The following VCAN variants were observed in gnomAD, a reference collection of about 807,000 sequenced individuals.
VCAN encodes the protein versican.
In VCAN, 44 loss-of-function variants were observed where a neutral mutation model predicts 245.5. The ratio of observed to expected loss-of-function variants is 0.18; its 90% CI spans 0.14 to 0.23. The LOEUF is 0.23. Ranked by LOEUF, VCAN falls within the 10% of genes least tolerant of loss-of-function variation. VCAN has a pLI of 1.00. For missense variants in VCAN, 3,793 were observed against 4,057.9 expected (o/e 0.93, Z 1.77); for synonymous variants, 1,413 against 1,437.0 (o/e 0.98, Z 0.38).
chr5:83,537,400 A>G lies in VCAN; in HGVS notation c.4397A>G (p.Gln1466Arg). 6.2e-7 allele frequency: 1 copy of G among 1,613,946 alleles called. No homozygotes were observed. The highest frequency in any genetic ancestry group is 2.2e-5 in the East Asian group (1 of 44,876). ...AAAACGGAATTGTCTACTGCTGTGC[A>G]ACCTAATGAATCTACAGAAACAACT... ...IAKTELSTAV[Q>R]PNESTETTES... Residue 1466 changes from glutamine to arginine, a missense_variant, in exon 8 of 15, where the codon CAA becomes CGA. This residue lies in a region of VCAN where 3,182 missense variants were observed against 3,250.3 expected (regional missense o/e 0.98). Coordinates refer to ENST00000265077, the MANE Select transcript of VCAN (RefSeq NM_004385.5).
At chr5:83,528,968 A>G (rs1237543478) in intron 7 of VCAN, among the ~76,000 whole-genome samples, 1 of 148,378 alleles carries the variant, frequency 6.7e-6, no homozygotes, top group Non-Finnish European at 1.5e-5. Context: ...TCTCCAAATC[A>G]CAGGGTTTAT....
intron 1 of VCAN, among the ~76,000 whole-genome samples, chr5:83,480,828 T>C (rs1049250969): frequency 1.3e-5 from 2 of 152,232 alleles, no homozygotes; most frequent in Non-Finnish European, 2.9e-5. Context: ...CCCCAAATAC[T>C]ATTCTTTTTA....
At chr5:83,483,698 A>C in intron 2 of VCAN, 110 bp downstream of exon 2, 1 of 1,031,846 alleles carries the variant, frequency 9.7e-7, no homozygotes, top group Non-Finnish European at 1.5e-6. Context: ...TTTAAAATCT[A>C]TTAAGTGCTG....
chr5:83,489,669 A>G (rs1294969507), intron 2 of VCAN, among the ~76,000 whole-genome samples: 2 of 152,184 alleles, frequency 1.3e-5, no homozygotes, highest in Non-Finnish European at 2.9e-5. Flanking sequence ...TTATTGTAAC[A>G]AACATTTTTT....
intron 5 of VCAN, among the ~76,000 whole-genome samples, chr5:83,496,082 C>G (rs1745151539): frequency 6.6e-6 from 1 of 152,280 alleles, no homozygotes; most frequent in African/African-American, 2.4e-5. Flanking sequence ...GAATTTTTGA[C>G]AAGTCTTAGT....
chr5:83,541,085 A>C lies in VCAN; in HGVS notation c.8082A>C (p.Pro2694=). 2 of 1,614,140 alleles carry C rather than the reference A, an allele frequency of 1.2e-6. No homozygotes were observed. Among genetic ancestry groups the C allele is most frequent in the Non-Finnish European group, 1.7e-6 (2 of 1,179,978 alleles). The change falls in exon 8 of 15, where the codon CCA becomes CCC. Residue 2694 remains proline (P), a synonymous_variant. Transcript: ENST00000265077. ...TACTTCCCACGGCAACATCCCTGCC[A>C]ATTCCTCGTAAGTCTGCCACAGTTA... is the stretch of plus-strand genomic sequence containing the variant. ...DVLLPTATSL[P]IPRKSATVIP... is the part of the protein sequence containing the mutation.
chr5:83,576,715 CA>C (rs1748497790), intron 13 of VCAN, among the ~76,000 whole-genome samples: 1 of 152,132 alleles, frequency 6.6e-6, no homozygotes, highest in Non-Finnish European at 1.5e-5. Flanking sequence ...TGTTGCTCTA[CA>C]TCTTCTCCAA....
intron 12 of VCAN, among the ~76,000 whole-genome samples, chr5:83,567,154 A>G (rs1341549490): frequency 6.6e-6 from 1 of 152,074 alleles, no homozygotes; most frequent in Non-Finnish European, 1.5e-5. Flanking sequence ...TAGTTATTTA[A>G]TTGGACTCTA....
At chr5:83,527,589 TG>T (rs1746351172) in intron 7 of VCAN, among the ~76,000 whole-genome samples, 1 of 152,222 alleles carries the variant, frequency 6.6e-6, no homozygotes, top group Non-Finnish European at 1.5e-5. Context: ...AGCTTAACAC[TG>T]TACTATAGAC....
intron 7 of VCAN, among the ~76,000 whole-genome samples, chr5:83,527,794 A>T (rs1746357228): frequency 1.3e-5 from 2 of 152,234 alleles, no homozygotes; most frequent in Admixed American, 6.5e-5. Flanking sequence ...ATTTAACAAT[A>T]AAAGGTGTTA....
intron 2 of VCAN, among the ~76,000 whole-genome samples, chr5:83,485,390 GC>G (rs1744758978): frequency 7.1e-6 from 1 of 140,262 alleles, no homozygotes; most frequent in Non-Finnish European, 1.5e-5. Context: ...GGCAACAAGA[GC>G]TAAACTCCAT....
At chr5:83,548,724 A>G (rs1747335909) in intron 10 of VCAN, among the ~76,000 whole-genome samples, 1 of 152,218 alleles carries the variant, frequency 6.6e-6, no homozygotes, top group Non-Finnish European at 1.5e-5. Context: ...AATAAGAAAC[A>G]GATTGCATGC....
chr5:83,541,398 A>T lies in VCAN; in HGVS notation c.8395A>T (p.Met2799Leu). 6.2e-7 allele frequency: 1 copy of T among 1,614,070 alleles called. No individual in the cohort carries two copies. Among genetic ancestry groups the T allele is most frequent in the South Asian group, 1.1e-5 (1 of 91,088 alleles). The part of the protein sequence containing the change: ...DQSVTEVPDV[M>L]EGSNPPYYTD... The stretch of plus-strand genomic sequence containing the variant: ...GAGTGTAACAGAGGTGCCTGATGTG[A>T]TGGAAGGATCCAATCCCCCATATTA... Residue 2799 changes from methionine (M) to leucine (L), a missense_variant, in exon 8 of 15, where the codon ATG (methionine) becomes TTG (leucine). Met to Leu is a conservative substitution (Grantham distance 15). This residue lies in a region of VCAN where 3,182 missense variants were observed against 3,250.3 expected (regional missense o/e 0.98). Transcript: ENST00000265077.
chr5:83,551,581 T>TA (rs1271830775), intron 10 of VCAN, among the ~76,000 whole-genome samples: 1 of 152,056 alleles, frequency 6.6e-6, no homozygotes, highest in East Asian at 1.9e-4. Flanking sequence ...TAATAGCAGA[T>TA]AAAAAAGGGT....
At position 83,540,803 on chromosome 5, in the gene VCAN, G is replaced by C; in HGVS notation, c.7800G>C (p.Glu2600Asp). 2 of 1,613,932 alleles carry C rather than the reference G, an allele frequency of 1.2e-6. No homozygotes were observed. Among genetic ancestry groups the C allele is most frequent in the Non-Finnish European group, 1.7e-6 (2 of 1,179,964 alleles). ...ILGMQTDIDTEVPSEPHDSND... is the reference protein window; with the variant it reads ...ILGMQTDIDTDVPSEPHDSND... ...GAATGCAAACAGATATAGATACAGA[G>C]GTACCATCAGAACCACATGACAGTA... Residue 2600 changes from glutamate to aspartate, a missense_variant, in exon 8 of 15, where the codon GAG becomes GAC. Physicochemically the swap from Glu to Asp is conservative, Grantham distance 45. Transcript: ENST00000265077.
chr5:83,536,707 G>A (rs1467038805), intron 7 of VCAN: 1 of 208,126 alleles, frequency 4.8e-6, no homozygotes, highest in Non-Finnish European at 9.6e-6. Context: ...TGCACTTCAA[G>A]ATTACATTGT....
At chr5:83,490,974 G>T (rs981834883) in intron 3 of VCAN, among the ~76,000 whole-genome samples, 4 of 151,908 alleles carry the variant, frequency 2.6e-5, no homozygotes, top group African/African-American at 4.8e-5. Flanking sequence ...TTATACCGAA[G>T]AAATAAGGTA....
At position 83,537,211 on chromosome 5, in the gene VCAN, C is replaced by G; in HGVS notation, c.4208C>G (p.Thr1403Arg). The change falls in exon 8 of 15, where the codon ACA (threonine) becomes AGA (arginine). Residue 1403 changes from threonine to arginine, a missense_variant. Around this residue, in one of 5 missense-constraint regions of VCAN, gnomAD observed 3,182 missense variants for 3,250.3 expected, o/e 0.98. Coordinates refer to ENST00000265077, the MANE Select transcript of VCAN (RefSeq NM_004385.5). ...EEECANATDVTTTPSVQYING... is the reference protein window; with the variant it reads ...EEECANATDVRTTPSVQYING... ...GAGTGTGCAAATGCTACTGATGTGA[C>G]AACCACCCCATCTGTGCAGTACATA... 6.2e-7 allele frequency: 1 copy of G among 1,613,736 alleles called. No homozygotes were observed. Among genetic ancestry groups the G allele is most frequent in the Non-Finnish European group, 8.5e-7 (1 of 1,179,906 alleles).
rs191825954 is a variant in VCAN at position 83,518,334 on chromosome 5, T to C, written c.1043-1015T>C. On this transcript the variant is annotated intron_variant, in intron 6 of 14. Transcript: ENST00000265077. ...TACAAACTGTTGCTTTTATACACAA[T>C]TTAAATTTCTTTCAACAGGCCAGGC... Among the ~76,000 whole-genome samples the C allele has an allele frequency of 7.2e-5, 11 of 152,310 alleles. No homozygotes were observed. The East Asian group carries it at 2.1e-3, about 29-fold the overall frequency.
Sources: allele counts gnomAD v4.1 joint callset (sites outside exome capture counted in the v4.1 genomes callset), GRCh38; gene constraint gnomAD v4.1.1; regional missense constraint gnomAD v4.1.1; transcripts MANE v1.5; gene names NCBI Gene and HGNC (gene_info 2026-07-23, HGNC 2026-07-21).